Variants in LSAMP observed in about 807,000 individuals in gnomAD.
LSAMP encodes limbic system associated membrane protein.
Under a neutral mutation model 38.6 loss-of-function variants are expected in LSAMP, and 7 were observed. The observed-to-expected ratio is 0.18, with a 90% CI of 0.10 to 0.34. LSAMP has a LOEUF of 0.34. Among genes scored for constraint, LSAMP ranks in the 10% least tolerant of loss-of-function variants. LSAMP has a pLI of 1.00. For synonymous variants in LSAMP, 154 were observed against 166.8 expected, an observed-to-expected ratio of 0.92 and a Z score of 0.59; for missense variants, 313 against 420.0, an observed-to-expected ratio of 0.75 and a Z score of 2.23.
At chr3:116,431,363 T>C (rs932200495) in intron 1 of LSAMP, among the ~76,000 whole-genome samples, 2 of 152,156 alleles carry the variant, frequency 1.3e-5, no homozygotes, top group African/African-American at 4.8e-5. Flanking sequence ...TTTGCCACGC[T>C]ATACTTTGTT....
intron 3 of LSAMP, among the ~76,000 whole-genome samples, chr3:115,884,634 A>C (rs1936405502): frequency 6.6e-6 from 1 of 152,034 alleles, no homozygotes; most frequent in Admixed American, 6.6e-5. Flanking sequence ...CTGGATGTAA[A>C]GATATTGCAA....
chr3:116,194,777 G>A (rs1337865982), intron 1 of LSAMP, among the ~76,000 whole-genome samples: 2 of 152,162 alleles, frequency 1.3e-5, no homozygotes, highest in Non-Finnish European at 2.9e-5. Context: ...GATCGAGATT[G>A]AGGTTTGGTA....
rs1241609076 is a variant in LSAMP, at chr3:115,807,587, G to C, written c.*2730C>G. Reference sequence around the variant, plus strand: ...GGCCTGTGACATGCCATGGGGATCTGTTCCTGAAGGTAATACTAACATCCA... The same window carrying C: ...GGCCTGTGACATGCCATGGGGATCTCTTCCTGAAGGTAATACTAACATCCA... On this transcript the variant is annotated 3_prime_UTR_variant, in exon 7 of 7. Transcript: ENST00000490035. 1.3e-5 allele frequency: 2 copies of C among 152,266 alleles called. No homozygotes were observed. The highest frequency in any genetic ancestry group is 1.9e-4 in the East Asian group (1 of 5,180). 9.4% of individuals were successfully genotyped at this position (152,266 alleles called of 1,614,324 possible).
chr3:116,330,875 G>C (rs1022547252), intron 1 of LSAMP, among the ~76,000 whole-genome samples: 1 of 151,950 alleles, frequency 6.6e-6, no homozygotes, highest in African/African-American at 2.4e-5. Flanking sequence ...AGCATATAAA[G>C]AAAGAAGGTA....
At chr3:115,877,860 T>C (rs1021314834) in intron 3 of LSAMP, among the ~76,000 whole-genome samples, 8 of 152,096 alleles carry the variant, frequency 5.3e-5, no homozygotes, top group Admixed American at 5.2e-4. Context: ...CAAAAATTTT[T>C]TAAAATGTGG....
intron 1 of LSAMP, among the ~76,000 whole-genome samples, chr3:116,416,015 G>T (rs947504551): frequency 6.6e-6 from 1 of 152,066 alleles, no homozygotes; most frequent in Non-Finnish European, 1.5e-5. Context: ...GTATATTCTT[G>T]CAATTCTAAC....
chr3:116,424,460 A>G (rs2107860696), intron 1 of LSAMP, among the ~76,000 whole-genome samples: 1 of 152,236 alleles, frequency 6.6e-6, no homozygotes, highest in South Asian at 2.1e-4. Flanking sequence ...TTATTGATGG[A>G]AAAAAAATCA....
Position 116,072,752 on chromosome 3 carries a change from G to GTTTT in LSAMP, c.388+13568_388+13571dup, listed in dbSNP as rs36091421. On this transcript the variant is annotated intron_variant, in intron 2 of 6. Transcript: ENST00000490035. ...TTACTTTTTGAAGGGGTTGTTTGTG[G>GTTTT]TTTTTTTTTTTTTTTTTTGTAAAAT... Among the ~76,000 whole-genome samples, 167 of 112,334 alleles carry GTTTT rather than the reference G, an allele frequency of 1.5e-3. 2 individuals are homozygous for GTTTT. Among genetic ancestry groups the GTTTT allele is most frequent in the African/African-American group, 3.6e-3 (107 of 29,934 alleles). The allele number at this position is 112,334 out of a possible 152,430, so 73.7% of individuals were successfully genotyped here.
chr3:116,179,821 G>T (rs1246864193), intron 1 of LSAMP, among the ~76,000 whole-genome samples: 3 of 152,144 alleles, frequency 2.0e-5, no homozygotes, highest in Non-Finnish European at 4.4e-5. Flanking sequence ...CCATATCAGT[G>T]AGTATGTTAA....
In LSAMP at chr3:115,810,298, T is replaced by G. The variant is rs1414031984; in HGVS notation, c.*19A>C. ...GCATTTTTGTGTGTTTTTTAAATTA[T>G]TTTTAAATTTTTATTCTATTAACAT... On this transcript the variant is annotated 3_prime_UTR_variant, in exon 7 of 7. Transcript: ENST00000490035. The G allele has an allele frequency of 1.3e-6, 2 of 1,530,068 alleles. No homozygotes were observed. The highest frequency in any genetic ancestry group is 3.7e-5 in the Admixed American group (2 of 54,448). The allele number at this position is 1,530,068 out of a possible 1,614,324, so 94.8% of individuals were successfully genotyped here.
chr3:116,112,186 T>C (rs1576370066), intron 1 of LSAMP, among the ~76,000 whole-genome samples: 2 of 152,340 alleles, frequency 1.3e-5, no homozygotes, highest in South Asian at 2.1e-4. Context: ...AAAATGCTTT[T>C]TGTGTGGAAG....
chr3:115,863,570 C>A (rs934155374), intron 3 of LSAMP, among the ~76,000 whole-genome samples: 7 of 149,908 alleles, frequency 4.7e-5, no homozygotes, highest in South Asian at 2.1e-4. Context: ...AACACATTTG[C>A]ATATACATAT....
intron 3 of LSAMP, among the ~76,000 whole-genome samples, chr3:115,978,974 T>C (rs992988211): frequency 6.6e-6 from 1 of 152,072 alleles, no homozygotes; most frequent in Non-Finnish European, 1.5e-5. Context: ...ATAAGAAATT[T>C]ATTTATTGGT....
chr3:115,993,359 G>A (rs1391320069), intron 3 of LSAMP, among the ~76,000 whole-genome samples: 3 of 151,924 alleles, frequency 2.0e-5, no homozygotes, highest in Non-Finnish European at 4.4e-5. Flanking sequence ...TATTGCCTGT[G>A]GTGGCGTATT....
intron 3 of LSAMP, among the ~76,000 whole-genome samples, chr3:115,963,133 A>G (rs545485891): frequency 1.3e-5 from 2 of 152,242 alleles, no homozygotes; most frequent in Admixed American, 6.5e-5. Flanking sequence ...ATTGTGTGGG[A>G]CCACAGGATC....
chr3:116,060,777 AAACAAC>A (rs558318455), intron 2 of LSAMP, among the ~76,000 whole-genome samples: 11 of 152,144 alleles, frequency 7.2e-5, no homozygotes, highest in Non-Finnish European at 1.5e-4. Context: ...CAAACAAACA[AAACAAC>A]AACAACAAGA....
chr3:116,072,280 A>T (rs1391483314), intron 2 of LSAMP, among the ~76,000 whole-genome samples: 2 of 151,814 alleles, frequency 1.3e-5, no homozygotes, highest in African/African-American at 4.8e-5. Context: ...CCGCCAGCAT[A>T]TTTTCTTTAT....
At chr3:115,943,118 CAAAG>C (rs755303253) in intron 3 of LSAMP, among the ~76,000 whole-genome samples, 1 of 152,086 alleles carries the variant, frequency 6.6e-6, no homozygotes, top group African/African-American at 2.4e-5. Flanking sequence ...ATTTCAGTAA[CAAAG>C]AAAACTATGA....
At chr3:116,288,697 A>G (rs2047223349) in intron 1 of LSAMP, among the ~76,000 whole-genome samples, 1 of 152,070 alleles carries the variant, frequency 6.6e-6, no homozygotes, top group African/African-American at 2.4e-5. Flanking sequence ...AGCCACTTTG[A>G]TCTCTTGAGT....
Sources: gnomAD v4.1 joint callset for allele counts (sites outside exome capture counted in the v4.1 genomes callset) on GRCh38, gnomAD v4.1.1 for gene constraint, MANE v1.5 for transcripts, NCBI Gene and HGNC (gene_info 2026-07-23, HGNC 2026-07-21) for gene names.